The following ZDHHC11 variants were observed in gnomAD, a reference collection of about 807,000 sequenced individuals.
The protein encoded by ZDHHC11 is palmitoyltransferase ZDHHC11.
Under a neutral mutation model 51.3 loss-of-function variants are expected in ZDHHC11, and 44 were observed. The observed-to-expected ratio is 0.86, with a 90% CI of 0.67 to 1.10. ZDHHC11 has a LOEUF of 1.10. ZDHHC11 is among the 50% of genes least tolerant of loss of function. The pLI is 0.00. For missense variants in ZDHHC11, 400 were observed against 537.7 expected (o/e 0.74, Z 2.53); for synonymous variants, 163 against 222.0 (o/e 0.73, Z 2.36).
At chr5:841,627 C>A (rs1385484300) in intron 4 of ZDHHC11, 96 of 992,976 alleles carry the variant, frequency 9.7e-5, no homozygotes, top group Non-Finnish European at 1.1e-4. Context: ...GTCCCTGGAC[C>A]CGCTGCACCC....
intron 7 of ZDHHC11, among the ~76,000 whole-genome samples, chr5:827,484 G>A (rs1742439208): frequency 6.6e-6 from 1 of 150,988 alleles, no homozygotes; most frequent in African/African-American, 2.4e-5. Context: ...GTCTTCAAGA[G>A]ACACACCTAA....
At chr5:845,532 T>A (rs1746003060) in intron 3 of ZDHHC11, among the ~76,000 whole-genome samples, 1 of 152,214 alleles carries the variant, frequency 6.6e-6, no homozygotes, top group African/African-American at 2.4e-5. Flanking sequence ...GCGCTCACAG[T>A]CTTCCCAGGA....
chr5:859,478 ACAAC>A (rs760273003), upstream of ZDHHC11, among the ~76,000 whole-genome samples: 3 of 152,052 alleles, frequency 2.0e-5, no homozygotes, highest in Non-Finnish European at 4.4e-5. Flanking sequence ...AACCCCTACA[ACAAC>A]CAACAGGCGA....
chr5:850,486 G>C lies in ZDHHC11; in HGVS notation c.117C>G (p.His39Gln). 3.1e-6 allele frequency: 5 copies of C among 1,613,720 alleles called. No individual in the cohort carries two copies. Among genetic ancestry groups the C allele is most frequent in the Non-Finnish European group, 4.2e-6 (5 of 1,180,036 alleles). Residue 39 changes from histidine to glutamine, a missense_variant, in exon 1 of 13, where the codon CAC becomes CAG. By Grantham distance (24) the His-to-Gln change is conservative. Transcript: ENST00000283441. ...CAGCCCAGGTCACCACCTGGAAGTA[G>C]TGCAGGGGTAACGACCAGCCGTTCA... is the stretch of plus-strand genomic sequence containing the variant. ...SRVNGWSLPL[H>Q]YFQVVTWAVF... is the part of the protein sequence containing the mutation.
At chr5:827,354 T>C (rs980608444) in intron 7 of ZDHHC11, among the ~76,000 whole-genome samples, 1 of 150,692 alleles carries the variant, frequency 6.6e-6, no homozygotes, top group Non-Finnish European at 1.5e-5. Context: ...ACAACTAGCA[T>C]GATCAATAAA....
At chr5:807,882 T>A (rs1280731529) in intron 11 of ZDHHC11, among the ~76,000 whole-genome samples, 1 of 150,652 alleles carries the variant, frequency 6.6e-6, no homozygotes, top group Non-Finnish European at 1.5e-5. Flanking sequence ...TGCATTCCTG[T>A]GAAGAGTGAG....
chr5:835,125 C>A (rs2150371674), intron 6 of ZDHHC11, among the ~76,000 whole-genome samples: 1 of 151,388 alleles, frequency 6.6e-6, no homozygotes, highest in African/African-American at 2.4e-5. Context: ...TCATTCTATG[C>A]TTGTTTCTAG....
intron 12 of ZDHHC11, among the ~76,000 whole-genome samples, chr5:799,312 A>G (rs1290144847): frequency 6.6e-6 from 1 of 150,994 alleles, no homozygotes; most frequent in Non-Finnish European, 1.5e-5. Context: ...AGCTCCCTTC[A>G]CCTTCTGCTG....
chr5:814,787 A>C lies in ZDHHC11; in HGVS notation c.1155T>G (p.Asp385Glu), dbSNP rs1214266322. The C allele has an allele frequency of 1.3e-6, 2 of 1,548,684 alleles. No homozygotes were observed. The highest frequency in any genetic ancestry group is 2.0e-5 in the Admixed American group (1 of 49,454). Residue 385 changes from aspartate to glutamate, a missense_variant, in exon 11 of 13, where the codon GAT becomes GAG. Physicochemically the swap from Asp to Glu is conservative, Grantham distance 45. Coordinates refer to ENST00000283441, the MANE Select transcript of ZDHHC11 (RefSeq NM_024786.3). The stretch of plus-strand genomic sequence containing the variant: ...CAAGTGTAGATATACTCGGGGCATC[A>C]TCTGCTTCCTGTGGGGGGAAGGGAT... ...PDGGSMAQEA[D>E]DAPSISTLGL...
intron 3 of ZDHHC11, among the ~76,000 whole-genome samples, chr5:846,617 A>C (rs1477542087): frequency 7.0e-6 from 1 of 143,584 alleles, no homozygotes; most frequent in African/African-American, 2.7e-5. Context: ...CTCAGTGGAA[A>C]CACCTCTCAT....
At chr5:860,556 A>G (rs1421361238), upstream of ZDHHC11, among the ~76,000 whole-genome samples, 1 of 152,012 alleles carries the variant, frequency 6.6e-6, no homozygotes, top group Non-Finnish European at 1.5e-5. This position sits in a 1 kb window ranked among gnomAD's most constrained non-coding sequence, Gnocchi z 4.2. Flanking sequence ...GAGACGGAGT[A>G]ATTTTAAAGA....
chr5:824,426 A>T (rs1449341469), intron 8 of ZDHHC11, among the ~76,000 whole-genome samples: 7 of 145,544 alleles, frequency 4.8e-5, no homozygotes, highest in Admixed American at 6.9e-5. Context: ...CCACCACTGC[A>T]ATCCATGTTG....
chr5:831,780 T>A (rs1422828777), intron 7 of ZDHHC11, among the ~76,000 whole-genome samples: 3 of 150,874 alleles, frequency 2.0e-5, no homozygotes, highest in Non-Finnish European at 1.5e-5. Context: ...GGCCATAATT[T>A]AAAAAATAAA....
Position 796,569 on chromosome 5 carries a change from G to T in ZDHHC11, c.*19C>A, listed in dbSNP as rs1188928910. The T allele has an allele frequency of 2.0e-5, 3 of 149,748 alleles. No individual in the cohort carries two copies. Among genetic ancestry groups the T allele is most frequent in the Non-Finnish European group, 4.5e-5 (3 of 67,396 alleles). 9.3% of individuals were successfully genotyped at this position (149,748 alleles called of 1,614,324 possible). On this transcript the variant is annotated 3_prime_UTR_variant, in exon 13 of 13. Transcript: ENST00000283441. ...AGGGTAGAAGACCTGGATCACAGGG[G>T]CACCTGAGCTCCTGCAGGACAAAAC...
upstream of ZDHHC11, among the ~76,000 whole-genome samples, chr5:859,088 C>T (rs573385065): frequency 6.6e-6 from 1 of 152,022 alleles, no homozygotes; most frequent in Non-Finnish European, 1.5e-5. Context: ...GGGAGGAAAG[C>T]GTGAGATGGA....
chr5:825,233 G>A lies in ZDHHC11; in HGVS notation c.954C>T (p.Ser318=), dbSNP rs200679625. ...SSAQGVKAKS[S]LLIHKHLCHF... ...GACATAAGTGCTTGTGAATCAGCAGGGAGCTCTTGGCTTTGACTCTGGTGG... is the reference window on the plus strand; with the variant it reads ...GACATAAGTGCTTGTGAATCAGCAGAGAGCTCTTGGCTTTGACTCTGGTGG... Residue 318 remains serine (S), a synonymous_variant, in exon 8 of 13, where the codon TCC becomes TCT. Transcript: ENST00000283441. The A allele has an allele frequency of 3.7e-4, 592 of 1,612,710 alleles. 9 individuals carry two copies. The highest frequency in any genetic ancestry group is 4.9e-4 in the Non-Finnish European group (575 of 1,179,086).
chr5:796,057 G>C lies in ZDHHC11; in HGVS notation c.*531C>G, dbSNP rs1272889607. On this transcript the variant is annotated 3_prime_UTR_variant, in exon 13 of 13. Transcript: ENST00000283441. The stretch of plus-strand genomic sequence containing the variant: ...CTCAGTACTGTGCTCCCACTTCCCA[G>C]TACTGTGCTCCCATTTCCCAATACT... 6.4e-6 allele frequency: 1 copy of C among 156,302 alleles called. No homozygotes were observed. The highest frequency in any genetic ancestry group is 1.4e-5 in the Non-Finnish European group (1 of 69,484). The allele number at this position is 156,302 out of a possible 1,614,324, so 9.7% of individuals were successfully genotyped here. A position where few individuals can be genotyped will look rare whatever the true frequency, so the allele number is the denominator to read the frequency against.
intron 10 of ZDHHC11, chr5:816,903 T>C: frequency 2.3e-6 from 1 of 427,240 alleles, no homozygotes; most frequent in Non-Finnish European, 4.6e-6. Context: ...AGTCTATGGC[T>C]GAATTTTTCT....
At chr5:836,992 G>A (rs1485420848) in intron 6 of ZDHHC11, among the ~76,000 whole-genome samples, 4 of 151,440 alleles carry the variant, frequency 2.6e-5, no homozygotes, top group Admixed American at 2.6e-4. Context: ...AGGAGGTGGA[G>A]GCTACAATGA....
Sources: gnomAD v4.1 joint callset for allele counts (sites outside exome capture counted in the v4.1 genomes callset) on GRCh38, gnomAD v4.1.1 for gene constraint, Gnocchi (gnomAD v3.1) non-coding constraint, MANE v1.5 for transcripts, NCBI Gene and HGNC (gene_info 2026-07-23, HGNC 2026-07-21) for gene names.